FGD4: variants seen among roughly 807,000 people sequenced by gnomAD.
The protein encoded by FGD4 is FYVE, RhoGEF and PH domain-containing protein 4.
In FGD4, 42 loss-of-function variants were observed where a neutral mutation model predicts 102.0. The observed-to-expected ratio is 0.41, with a 90% CI of 0.32 to 0.53. The LOEUF (loss-of-function observed/expected upper bound fraction) is 0.53, where lower values mean the gene tolerates loss of function less well. Among genes scored for constraint, FGD4 ranks in the 20% least tolerant of loss-of-function variants. The pLI, the probability that FGD4 is intolerant of heterozygous loss-of-function variation, is 0.21. For synonymous variants in FGD4, 380 were observed against 375.7 expected, an observed-to-expected ratio of 1.01 and a Z score of -0.13; for missense variants, 902 against 1,078.2, an observed-to-expected ratio of 0.84 and a Z score of 2.29.
At chr12:32,440,424 C>T (rs1172004907) in intron 1 of FGD4, among the ~76,000 whole-genome samples, 1 of 152,206 alleles carries the variant, frequency 6.6e-6, no homozygotes, top group African/African-American at 2.4e-5. Context: ...CCTTGACGAT[C>T]TTGGACAAGA....
At chr12:32,488,566 T>A (rs1324912127) in intron 1 of FGD4, among the ~76,000 whole-genome samples, 2 of 152,138 alleles carry the variant, frequency 1.3e-5, no homozygotes, top group African/African-American at 4.8e-5. Flanking sequence ...TTAGATGGTG[T>A]GATATAGGCA....
chr12:32,582,868 A>C (rs1369866905), intron 4 of FGD4: 1 of 186,470 alleles, frequency 5.4e-6, no homozygotes, highest in African/African-American at 2.4e-5. Flanking sequence ...TAATAGAATA[A>C]ATAGGCCTGT....
intron 1 of FGD4, among the ~76,000 whole-genome samples, chr12:32,438,688 CT>C (rs1431534644): frequency 6.6e-6 from 1 of 151,698 alleles, no homozygotes; most frequent in African/African-American, 2.4e-5. Context: ...CAACTGCAAC[CT>C]CCACCTCCCG....
Position 32,561,070 on chromosome 12 carries a change from G to GTTTTTTTTTTTTTTTTTTT in FGD4, c.167-3063_167-3062insTTTTTTTTTTTTTTTTTTT, listed in dbSNP as rs1267043755. Among the ~76,000 whole-genome samples the GTTTTTTTTTTTTTTTTTTT allele has an allele frequency of 3.7e-4, 34 of 90,808 alleles. 9 individuals are homozygous for GTTTTTTTTTTTTTTTTTTT. The highest frequency in any genetic ancestry group is 4.6e-4 in the African/African-American group (11 of 24,038). The allele number at this position is 90,808 out of a possible 152,430, so 59.6% of individuals were successfully genotyped here. On this transcript the variant is annotated intron_variant, in intron 1 of 16. Transcript: ENST00000534526. ...AGCAGAAATGTGGTTTCTTTGTTGG[G>GTTTTTTTTTTTTTTTTTTT]TTTTGTTTTTTTTTTTTTTTTTTTT...
chr12:32,415,668 G>A (rs1941383159), intron 1 of FGD4, among the ~76,000 whole-genome samples: 1 of 152,062 alleles, frequency 6.6e-6, no homozygotes, highest in African/African-American at 2.4e-5. Context: ...TGATCTGCCC[G>A]CATTGGCCTC....
chr12:32,584,773 G>A (rs903147005), intron 4 of FGD4, among the ~76,000 whole-genome samples: 1 of 152,130 alleles, frequency 6.6e-6, no homozygotes, highest in Non-Finnish European at 1.5e-5. Flanking sequence ...ATTTCAATAT[G>A]CAGACAACTG....
In FGD4 at chr12:32,427,001, A is replaced by T. The variant is rs538026842; in HGVS notation, c.166+27042A>T. ...TAGTGGTCTATTTTGTTAATCTTTT[A>T]AAAAAAACCAGCTCCTGGATTTATT... On this transcript the variant is annotated intron_variant, in intron 1 of 16. Coordinates refer to ENST00000534526, the MANE Select transcript of FGD4 (RefSeq NM_001370298.3). 4.9e-4 allele frequency among the ~76,000 whole-genome samples: 74 copies of T among 151,240 alleles called. No homozygotes were observed. The East Asian group carries it at 5.4e-3, about 11-fold the overall frequency.
intron 1 of FGD4, among the ~76,000 whole-genome samples, chr12:32,423,232 C>T (rs907372808): frequency 6.6e-6 from 1 of 152,086 alleles, no homozygotes; most frequent in Non-Finnish European, 1.5e-5. Context: ...CACATGGGTT[C>T]TCGGCTTCCT....
chr12:32,633,597 G>T lies in FGD4; in HGVS notation c.2221G>T (p.Gly741Cys). The change falls in exon 15 of 17, where the codon GGT (glycine) becomes TGT (cysteine). Residue 741 changes from glycine (G) to cysteine (C), a missense_variant. Coordinates refer to ENST00000534526, the MANE Select transcript of FGD4 (RefSeq NM_001370298.3). ...SDYKAQLEYD[G>C]GKLSKVCKDC... ...CTACAAAGCTCAACTTGAATATGAT[G>T]GTGGTAAATTGAGCAAAGTTTGTAA... is the stretch of plus-strand genomic sequence containing the variant. 1 of 1,613,800 alleles carries T rather than the reference G, an allele frequency of 6.2e-7. No individual in the cohort carries two copies. Among genetic ancestry groups the T allele is most frequent in the South Asian group, 1.1e-5 (1 of 91,048 alleles).
At chr12:32,604,314 T>A (rs560040575) in intron 7 of FGD4, among the ~76,000 whole-genome samples, 35 of 152,276 alleles carry the variant, frequency 2.3e-4, no homozygotes, top group African/African-American at 7.7e-4. Context: ...ACTTTCTCTT[T>A]TTTAAAATCT....
At position 32,580,761 on chromosome 12, in the gene FGD4, C is replaced by A. The variant is rs979649858; in HGVS notation, c.504-1199C>A. ...AATTAGCCGGGCGTGGTGGCGGGCG[C>A]CTGTAGTCCCAGCTACTCGGGAGGC... On this transcript the variant is annotated intron_variant, in intron 3 of 16. Coordinates refer to ENST00000534526, the MANE Select transcript of FGD4 (RefSeq NM_001370298.3). 2.0e-5 allele frequency among the ~76,000 whole-genome samples: 3 copies of A among 151,968 alleles called. No homozygotes were observed. The South Asian group carries it at 6.2e-4, about 32-fold the overall frequency.
intron 2 of FGD4, among the ~76,000 whole-genome samples, chr12:32,570,425 A>G (rs1010197447): frequency 6.6e-6 from 1 of 151,452 alleles, no homozygotes; most frequent in Non-Finnish European, 1.5e-5. Context: ...ATAGGAGTTT[A>G]TTTATTTATT....
chr12:32,451,501 G>A (rs1216642506), intron 1 of FGD4, among the ~76,000 whole-genome samples: 1 of 152,054 alleles, frequency 6.6e-6, no homozygotes, highest in East Asian at 1.9e-4. Context: ...ATGATTCTCT[G>A]ATTTTAAAAT....
chr12:32,538,194 G>T (rs1942471304), intron 1 of FGD4, among the ~76,000 whole-genome samples: 1 of 152,130 alleles, frequency 6.6e-6, no homozygotes, highest in Non-Finnish European at 1.5e-5. Flanking sequence ...CACTGTGCCT[G>T]GCCCATCATA....
rs762399609 is a variant in FGD4, at chr12:32,638,649, T to G, written c.2314-6T>G. On this transcript the variant is annotated splice_region_variant and splice_polypyrimidine_tract_variant and intron_variant, in intron 15 of 16. Coordinates refer to ENST00000534526, the MANE Select transcript of FGD4 (RefSeq NM_001370298.3). ...TTCATTCTGTCTTTCCATTATATTT[T>G]TCTAGATTGAATCAGCAGAAGTATC... The G allele has an allele frequency of 6.2e-7, 1 of 1,614,188 alleles. No individual in the cohort carries two copies.
chr12:32,424,735 G>C (rs763501072), intron 1 of FGD4, among the ~76,000 whole-genome samples: 11 of 152,100 alleles, frequency 7.2e-5, no homozygotes, highest in Non-Finnish European at 1.6e-4. Flanking sequence ...AGCATCTGTT[G>C]TTTCCTGACT....
intron 1 of FGD4, among the ~76,000 whole-genome samples, chr12:32,560,578 C>G (rs1944456107): frequency 6.6e-6 from 1 of 152,148 alleles, no homozygotes; most frequent in African/African-American, 2.4e-5. Context: ...AATAATCTGT[C>G]AATCTTTCAT....
At chr12:32,614,800 T>C (rs1201775947) in intron 10 of FGD4, among the ~76,000 whole-genome samples, 1 of 152,242 alleles carries the variant, frequency 6.6e-6, no homozygotes, top group African/African-American at 2.4e-5. Flanking sequence ...TTCTTTAGGA[T>C]GGATTAAATG....
At chr12:32,588,920 G>A (rs1191676720) in intron 4 of FGD4, among the ~76,000 whole-genome samples, 1 of 152,062 alleles carries the variant, frequency 6.6e-6, no homozygotes, top group East Asian at 1.9e-4. Context: ...TTTATATGGG[G>A]TTAAAAACAA....
Sources: gnomAD v4.1 joint callset for allele counts (sites outside exome capture counted in the v4.1 genomes callset) on GRCh38, gnomAD v4.1.1 for gene constraint, MANE v1.5 for transcripts, NCBI Gene and HGNC (gene_info 2026-07-23, HGNC 2026-07-21) for gene names.